Variants in LUZP2 observed in about 807,000 individuals in gnomAD.
The protein encoded by LUZP2 is leucine zipper protein 2.
A neutral mutation model predicts 51.6 loss-of-function variants in LUZP2; 52 were observed. The observed-to-expected ratio is 1.01, with a 90% CI of 0.81 to 1.27. The LOEUF (loss-of-function observed/expected upper bound fraction) is 1.27. LUZP2 is among the 50% of genes most tolerant of loss of function. The probability of loss-of-function intolerance (pLI) is 0.00; values close to 1 mark genes in which losing one functional copy is unlikely to be tolerated. For synonymous variants in LUZP2, 154 were observed against 137.3 expected (o/e 1.12, Z -0.85); for missense variants, 436 against 395.4 (o/e 1.10, Z -0.87).
chr11:25,033,296 G>A lies in LUZP2; in HGVS notation c.766-16742G>A, dbSNP rs376762637. ...TTTTCTTTTTTAGAAGTATTTATTC[G>A]CAGTCCAGCTAGGTGCCCGGTATGC... On this transcript the variant is annotated intron_variant, in intron 9 of 11. Transcript: ENST00000336930. 5.7e-4 allele frequency among the ~76,000 whole-genome samples: 87 copies of A among 152,252 alleles called. 1 individual carries two copies. In the South Asian group the frequency reaches 0.017, roughly 29 times the overall value.
intron 5 of LUZP2, among the ~76,000 whole-genome samples, chr11:24,871,475 A>T (rs1416333191): frequency 6.6e-6 from 1 of 152,076 alleles, no homozygotes; most frequent in Non-Finnish European, 1.5e-5. Flanking sequence ...ATTTTGCTGT[A>T]AACTTGAATT....
At chr11:24,512,012 T>C (rs1481853037) in intron 1 of LUZP2, among the ~76,000 whole-genome samples, 1 of 152,222 alleles carries the variant, frequency 6.6e-6, no homozygotes, top group East Asian at 1.9e-4. Flanking sequence ...AGAAAGTATC[T>C]GTCAGGGGGA....
chr11:24,616,474 C>T (rs10834406), intron 1 of LUZP2, among the ~76,000 whole-genome samples: 2,363 of 52,784 alleles, frequency 0.045, 46 homozygotes, highest in African/African-American at 0.15. Context: ...TTGGCGTGCG[C>T]ATGTGTGTGT....
intron 1 of LUZP2, among the ~76,000 whole-genome samples, chr11:24,726,383 T>C (rs1356142732): frequency 1.3e-5 from 2 of 151,956 alleles, no homozygotes; most frequent in Non-Finnish European, 2.9e-5. Flanking sequence ...TGATAGGCAA[T>C]TTACCAGCAC....
chr11:24,842,451 G>A (rs1349990607), intron 5 of LUZP2, among the ~76,000 whole-genome samples: 2 of 151,618 alleles, frequency 1.3e-5, no homozygotes, highest in African/African-American at 2.4e-5. Flanking sequence ...GGTCAGTCAG[G>A]GAAAAAAAGT....
chr11:25,041,859 T>G (rs566352062), intron 9 of LUZP2, among the ~76,000 whole-genome samples: 27 of 152,318 alleles, frequency 1.8e-4, no homozygotes, highest in Middle Eastern at 3.4e-3. Flanking sequence ...GAGCTCTGCC[T>G]CCTGTCAGAT....
intron 1 of LUZP2, among the ~76,000 whole-genome samples, chr11:24,690,556 T>A (rs1392588438): frequency 6.6e-6 from 1 of 152,158 alleles, no homozygotes; most frequent in Non-Finnish European, 1.5e-5. Context: ...AGATTACAAT[T>A]TATTTCCACT....
intron 9 of LUZP2, among the ~76,000 whole-genome samples, chr11:24,989,150 G>A (rs1345273433): frequency 6.6e-6 from 1 of 151,720 alleles, no homozygotes; most frequent in Admixed American, 6.6e-5. Context: ...ATGTCAATGG[G>A]AAGCCATCGT....
intron 5 of LUZP2, among the ~76,000 whole-genome samples, chr11:24,809,884 C>T (rs974892179): frequency 3.9e-5 from 6 of 152,022 alleles, no homozygotes; most frequent in Non-Finnish European, 7.4e-5. Flanking sequence ...CTGAAAAATA[C>T]TTGGCACATT....
chr11:24,941,714 T>A (rs1590756019), intron 7 of LUZP2, among the ~76,000 whole-genome samples: 1 of 152,274 alleles, frequency 6.6e-6, no homozygotes, highest in South Asian at 2.1e-4. Flanking sequence ...AAAGAAAAAA[T>A]TCAATGTATT....
chr11:24,862,758 C>A (rs150858199), intron 5 of LUZP2, among the ~76,000 whole-genome samples: 1,884 of 152,042 alleles, frequency 0.012, 13 homozygotes, highest in Middle Eastern at 0.034. Flanking sequence ...TTTAAAGGAA[C>A]CATAAAGTAG....
intron 7 of LUZP2, among the ~76,000 whole-genome samples, chr11:24,960,810 G>T (rs1243317423): frequency 6.6e-6 from 1 of 151,934 alleles, no homozygotes; most frequent in Non-Finnish European, 1.5e-5. Context: ...GTTTGCTCTT[G>T]CTTTTCTAGT....
At chr11:24,589,891 A>G (rs1440956728) in intron 1 of LUZP2, among the ~76,000 whole-genome samples, 1 of 151,844 alleles carries the variant, frequency 6.6e-6, no homozygotes, top group African/African-American at 2.4e-5. Context: ...AATCTTAGGC[A>G]TGAAGTGACA....
intron 1 of LUZP2, among the ~76,000 whole-genome samples, chr11:24,726,983 T>A (rs1194006460): frequency 6.6e-6 from 1 of 152,138 alleles, no homozygotes. Flanking sequence ...AATTAACAAT[T>A]CTGCCAACAT....
intron 5 of LUZP2, among the ~76,000 whole-genome samples, chr11:24,815,942 C>G (rs11028189): frequency 6.6e-6 from 1 of 150,862 alleles, no homozygotes; most frequent in African/African-American, 2.4e-5. Context: ...GCTGAAGTCT[C>G]GATTCAGGAG....
At chr11:24,964,103 G>A (rs889250432) in intron 7 of LUZP2, among the ~76,000 whole-genome samples, 1 of 152,130 alleles carries the variant, frequency 6.6e-6, no homozygotes, top group African/African-American at 2.4e-5. Flanking sequence ...TTCAATGGCT[G>A]TACTAATTTA....
intron 5 of LUZP2, among the ~76,000 whole-genome samples, chr11:24,788,641 A>G (rs1293159622): frequency 6.6e-6 from 1 of 152,170 alleles, no homozygotes; most frequent in Non-Finnish European, 1.5e-5. Context: ...TAAATATGTT[A>G]TAATATTCAT....
chr11:25,043,359 C>A (rs985920141), intron 9 of LUZP2, among the ~76,000 whole-genome samples: 2 of 151,986 alleles, frequency 1.3e-5, no homozygotes, highest in Non-Finnish European at 2.9e-5. Context: ...TAATCCACAC[C>A]TCCCTAGAGT....
chr11:24,985,837 G>A (rs1237011781), intron 9 of LUZP2, among the ~76,000 whole-genome samples: 2 of 151,594 alleles, frequency 1.3e-5, no homozygotes, highest in African/African-American at 4.8e-5. Context: ...TCTGAATAAG[G>A]ATATTAGATT....
Sources: allele counts gnomAD v4.1 joint callset (sites outside exome capture counted in the v4.1 genomes callset), GRCh38; gene constraint gnomAD v4.1.1; transcripts MANE v1.5; gene names NCBI Gene and HGNC (gene_info 2026-07-23, HGNC 2026-07-21).